MAPT: variants seen among roughly 807,000 people sequenced by gnomAD.
MAPT encodes microtubule associated protein tau.
In MAPT, 34 loss-of-function variants were observed where a neutral mutation model predicts 67.9. The observed-to-expected ratio is 0.50, with a 90% CI of 0.38 to 0.67. MAPT has a LOEUF of 0.67. Ranked by LOEUF, MAPT falls within the 30% of genes least tolerant of loss-of-function variation. MAPT has a pLI of 0.00. For missense variants in MAPT, 881 were observed against 1,115.2 expected (o/e 0.79, Z 2.99); for synonymous variants, 456 against 464.5 (o/e 0.98, Z 0.23).
At chr17:45,903,390 C>A (rs2063745065) in intron 1 of MAPT, among the ~76,000 whole-genome samples, 1 of 151,956 alleles carries the variant, frequency 6.6e-6, no homozygotes, top group South Asian at 2.1e-4. Flanking sequence ...CATGGCCTGT[C>A]CCCCAAAAAG....
chr17:46,024,557 GC>G lies in MAPT; in HGVS notation c.*388del. 1 of 350,546 alleles carries G rather than the reference GC, an allele frequency of 2.9e-6. No homozygotes were observed. The highest frequency in any genetic ancestry group is 7.2e-5 in the East Asian group (1 of 13,944). 21.7% of individuals were successfully genotyped at this position (350,546 alleles called of 1,614,324 possible). ...TGGGGGATTTCAAGGGACTGGGGGT[GC>G]CAACCACCTCTGGCCCTGTTGTGGG... On this transcript the variant is annotated 3_prime_UTR_variant, in exon 13 of 13. Transcript: ENST00000262410.
Position 45,906,432 on chromosome 17 carries a change from G to A in MAPT, c.-18+11746G>A, listed in dbSNP as rs949698072. Among the ~76,000 whole-genome samples, 3 of 152,176 alleles carry A rather than the reference G, an allele frequency of 2.0e-5. No homozygotes were observed. Among genetic ancestry groups the A allele is most frequent in the African/African-American group, 7.2e-5 (3 of 41,426 alleles). On this transcript the variant is annotated intron_variant, in intron 1 of 12. Coordinates refer to ENST00000262410, the MANE Select transcript of MAPT (RefSeq NM_001377265.1). The surrounding 1 kb of genome is among the most constrained non-coding windows in gnomAD (Gnocchi z 4.3). ...GGCATGAGTGATTAAATTAAAGCCA[G>A]GCATTGACTTGGATGGTGTAATATT...
At chr17:45,999,045 T>C (rs367612741) in intron 9 of MAPT, among the ~76,000 whole-genome samples, 1 of 152,218 alleles carries the variant, frequency 6.6e-6, no homozygotes, top group Middle Eastern at 3.4e-3. Context: ...AATCTGCTGC[T>C]CCCCGTCTGG....
chr17:45,942,002 T>C (rs1277365332), intron 1 of MAPT, among the ~76,000 whole-genome samples: 1 of 152,096 alleles, frequency 6.6e-6, no homozygotes, highest in East Asian at 1.9e-4. Context: ...AACATGACTC[T>C]GTAACGAGAG....
chr17:46,014,200 C>T (rs765495719), intron 10 of MAPT, 43 bp from the exon 11 acceptor site: 1 of 1,127,552 alleles, frequency 8.9e-7, no homozygotes, highest in Non-Finnish European at 1.4e-6. Flanking sequence ...GTCTTCCTCT[C>T]TCTCTGCCTT....
intron 6 of MAPT, among the ~76,000 whole-genome samples, chr17:45,989,649 T>A (rs2073900957): frequency 6.6e-6 from 1 of 152,118 alleles, no homozygotes; most frequent in African/African-American, 2.4e-5. Flanking sequence ...AGACTCCGTC[T>A]CAAAAAAGAA....
At chr17:45,992,047 A>G (rs1354051828) in intron 8 of MAPT, among the ~76,000 whole-genome samples, 1 of 152,118 alleles carries the variant, frequency 6.6e-6, no homozygotes, top group Non-Finnish European at 1.5e-5. Context: ...CGGCCTCCCA[A>G]AGTGCTGGGA....
intron 9 of MAPT, among the ~76,000 whole-genome samples, chr17:46,006,902 G>A (rs901039662): frequency 4.0e-5 from 6 of 150,246 alleles, no homozygotes; most frequent in Admixed American, 2.7e-4. Context: ...CAGCCTGGGC[G>A]ACAAGGCAAG....
chr17:45,924,417 G>A (rs1040930136), intron 1 of MAPT, among the ~76,000 whole-genome samples: 4 of 152,234 alleles, frequency 2.6e-5, no homozygotes, highest in Non-Finnish European at 4.4e-5. Context: ...ATTGGAGAGC[G>A]CTGGGCTAGC....
At chr17:45,960,600 A>G (rs969445679) in intron 1 of MAPT, among the ~76,000 whole-genome samples, 3 of 152,228 alleles carry the variant, frequency 2.0e-5, no homozygotes, top group African/African-American at 4.8e-5. Context: ...TACATTTTCT[A>G]TAATAAGGTT....
intron 1 of MAPT, among the ~76,000 whole-genome samples, chr17:45,949,045 C>T (rs1194867557): frequency 6.6e-6 from 1 of 152,256 alleles, no homozygotes; most frequent in Non-Finnish European, 1.5e-5. Context: ...ATAAAAGTCA[C>T]TCTTTTAAAA....
intron 5 of MAPT, among the ~76,000 whole-genome samples, chr17:45,984,756 G>A (rs2073372158): frequency 6.6e-6 from 1 of 152,234 alleles, no homozygotes; most frequent in Admixed American, 6.5e-5. Context: ...CACGACCACA[G>A]CAGCCCTGCA....
intron 1 of MAPT, among the ~76,000 whole-genome samples, chr17:45,930,496 T>C (rs954317905): frequency 2.6e-5 from 4 of 152,020 alleles, no homozygotes; most frequent in Non-Finnish European, 5.9e-5. Context: ...ATGATTTTGC[T>C]TCATGGCAGG....
chr17:45,959,640 G>C (rs1186729600), intron 1 of MAPT, among the ~76,000 whole-genome samples: 1 of 152,100 alleles, frequency 6.6e-6, no homozygotes, highest in Non-Finnish European at 1.5e-5. Context: ...AATTACCCAG[G>C]CATGGTGGCT....
chr17:45,978,217 A>G lies in MAPT; in HGVS notation c.221-158A>G, dbSNP rs1299512533. ...TATCACCAGCATCCTCAGCAATGAC[A>G]TTTGCAGAGAAGCCAGAGCTGAGGC... On this transcript the variant is annotated intron_variant, in intron 3 of 12. Transcript: ENST00000262410. The G allele has an allele frequency of 1.4e-5, 10 of 707,644 alleles. No individual in the cohort carries two copies. The Middle Eastern group carries it at 7.1e-4, about 50-fold the overall frequency. 43.8% of individuals were successfully genotyped at this position (707,644 alleles called of 1,614,324 possible).
chr17:45,985,032 G>A (rs565814406), intron 5 of MAPT, among the ~76,000 whole-genome samples: 17 of 152,298 alleles, frequency 1.1e-4, no homozygotes, highest in African/African-American at 3.9e-4. Context: ...GGCTGGGGGC[G>A]ATGGCTCACG....
chr17:45,935,673 T>C (rs2067257580), intron 1 of MAPT, among the ~76,000 whole-genome samples: 1 of 152,158 alleles, frequency 6.6e-6, no homozygotes, highest in East Asian at 1.9e-4. Flanking sequence ...GAATGTCTTG[T>C]CTCCACCATC....
At position 45,975,509 on chromosome 17, in the gene MAPT, C is replaced by T. The variant is rs1326195553; in HGVS notation, c.221-2866C>T. The T allele has an allele frequency of 2.6e-5, 4 of 152,184 alleles. No individual in the cohort carries two copies. In the South Asian group the frequency reaches 6.2e-4, roughly 24 times the overall value. The allele number at this position is 152,184 out of a possible 1,614,324, so 9.4% of individuals were successfully genotyped here. ...GCTGGGGCAGAGCCTCATCCTTGAA[C>T]GTGAAGGACGTTTGAAGACTGTGGC... On this transcript the variant is annotated intron_variant, in intron 3 of 12. Coordinates refer to ENST00000262410, the MANE Select transcript of MAPT (RefSeq NM_001377265.1).
chr17:45,978,725 C>A (rs975800220), intron 4 of MAPT: 6 of 455,954 alleles, frequency 1.3e-5, no homozygotes, highest in African/African-American at 9.8e-5. Flanking sequence ...AAACTCTAGG[C>A]CGGGCCTGGT....
Sources: gnomAD v4.1 joint callset for allele counts (sites outside exome capture counted in the v4.1 genomes callset) on GRCh38, gnomAD v4.1.1 for gene constraint, Gnocchi (gnomAD v3.1) non-coding constraint, MANE v1.5 for transcripts, NCBI Gene and HGNC (gene_info 2026-07-23, HGNC 2026-07-21) for gene names.